RXRG: variants seen among roughly 807,000 people sequenced by gnomAD.
RXRG encodes retinoic acid receptor RXR-gamma.
In RXRG, 19 loss-of-function variants were observed where a neutral mutation model predicts 49.2. That is an observed-to-expected ratio of 0.39 (90% CI 0.27 to 0.57). The LOEUF (loss-of-function observed/expected upper bound fraction) is 0.57. Ranked by LOEUF, RXRG falls within the 20% of genes least tolerant of loss-of-function variation. The probability of loss-of-function intolerance (pLI) is 0.64; values close to 1 mark genes in which losing one functional copy is unlikely to be tolerated. For synonymous variants in RXRG, 224 were observed against 216.6 expected, an observed-to-expected ratio of 1.03 and a Z score of -0.30; for missense variants, 452 against 592.5, an observed-to-expected ratio of 0.76 and a Z score of 2.46.
chr1:165,413,546 TC>T (rs1325584828), intron 4 of RXRG, among the ~76,000 whole-genome samples: 1 of 152,050 alleles, frequency 6.6e-6, no homozygotes, highest in African/African-American at 2.4e-5. Context: ...CTCTAACCTC[TC>T]AGTACTGCCT....
chr1:165,428,922 C>A lies in RXRG; in HGVS notation c.94G>T (p.Ala32Ser). 6.2e-7 allele frequency: 1 copy of A among 1,613,704 alleles called. No homozygotes were observed. The highest frequency in any genetic ancestry group is 8.5e-7 in the Non-Finnish European group (1 of 1,179,952). Reference sequence around the variant, plus strand: ...TCCATTGGCTTCCCTGTGGACAAGGCTGCTGATGGGCTCATGGATGTAGAG... The same window carrying A: ...TCCATTGGCTTCCCTGTGGACAAGGATGCTGATGGGCTCATGGATGTAGAG... ...TGSTSMSPSA[A>S]LSTGKPMDSH... Residue 32 changes from alanine (A) to serine (S), a missense_variant, in exon 2 of 10, where the codon GCC becomes TCC. Transcript: ENST00000359842.
intron 1 of RXRG, among the ~76,000 whole-genome samples, chr1:165,438,844 T>C (rs1276075372): frequency 6.6e-6 from 1 of 152,230 alleles, no homozygotes; most frequent in Non-Finnish European, 1.5e-5. Flanking sequence ...TATTTGTTCA[T>C]TCACAAAATA....
At chr1:165,426,952 A>G (rs1658505304) in intron 2 of RXRG, among the ~76,000 whole-genome samples, 1 of 152,164 alleles carries the variant, frequency 6.6e-6, no homozygotes, top group African/African-American at 2.4e-5. Context: ...TCACAGTTCA[A>G]AGGTCATCAG....
At chr1:165,408,353 CGTAA>C in intron 7 of RXRG, 35 bp from the exon 8 acceptor site, 2 of 1,476,422 alleles carry the variant, frequency 1.4e-6, no homozygotes, top group Non-Finnish European at 1.9e-6. Context: ...ATGAGAAAAC[CGTAA>C]GTAACAGGCC....
At chr1:165,428,328 AT>A (rs1658557855) in intron 2 of RXRG, among the ~76,000 whole-genome samples, 1 of 152,238 alleles carries the variant, frequency 6.6e-6, no homozygotes, top group African/African-American at 2.4e-5. Context: ...AGCAATGGCC[AT>A]TTCCTGATCA....
rs749951041 is a variant in RXRG, at chr1:165,419,970, G to A, written c.342C>T (p.Pro114=). Residue 114 remains proline (P), a synonymous_variant, in exon 3 of 10, where the codon CCC becomes CCT. Transcript: ENST00000359842. ...TTCCAATCCCGGGAAGCCCTGGTAA[G>A]GGCTTGATGTCCTCTGAACTGCTGA... ...NSVSSSEDIK[P]LPGLPGIGNM... is the part of the protein sequence containing the mutation. 16 of 1,613,242 alleles carry A rather than the reference G, an allele frequency of 9.9e-6. No homozygotes were observed. The South Asian group carries it at 1.7e-4, about 17-fold the overall frequency.
At position 165,428,759 on chromosome 1, in the gene RXRG, G is replaced by A. The variant is rs142730991; in HGVS notation, c.257C>T (p.Ala86Val). The A allele has an allele frequency of 2.1e-5, 33 of 1,605,690 alleles. No homozygotes were observed. The highest frequency in any genetic ancestry group is 1.7e-4 in the Middle Eastern group (1 of 6,046). ...GGCAACCAAGTTGATTCCTGGAGGC[G>A]CTGCAAGTGCTCCTGAGGGTGGGCC... Reference protein sequence around the residue: ...AMGPPSGALAAPPGINLVAPP... With the variant: ...AMGPPSGALAVPPGINLVAPP... Residue 86 changes from alanine (A) to valine (V), a missense_variant, in exon 2 of 10, where the codon GCG becomes GTG. By Grantham distance (64) the Ala-to-Val change is moderately conservative. Coordinates refer to ENST00000359842, the MANE Select transcript of RXRG (RefSeq NM_006917.5).
intron 1 of RXRG, among the ~76,000 whole-genome samples, chr1:165,436,337 G>A (rs1277347331): frequency 6.6e-6 from 1 of 152,122 alleles, no homozygotes; most frequent in East Asian, 1.9e-4. Flanking sequence ...CCCACCCTTT[G>A]GTAAAATAGC....
rs1336463676 is a variant in RXRG, at chr1:165,411,102, T to C, written c.630A>G (p.Gln210=). Residue 210 remains glutamine (Q), a synonymous_variant, in exon 5 of 10, where the codon CAA becomes CAG. Coordinates refer to ENST00000359842, the MANE Select transcript of RXRG (RefSeq NM_006917.5). ...LVMGMKREAV[Q]EERQRSRERA... ...GCTCTCGGCTCCTCTGTCTTTCTTC[T>C]TGCACAGCTGACATGCAGCAGGACA... The C allele has an allele frequency of 2.5e-6, 4 of 1,613,718 alleles. No homozygotes were observed. The Admixed American group carries it at 6.7e-5, about 27-fold the overall frequency.
chr1:165,426,438 C>T (rs1658489038), intron 2 of RXRG, among the ~76,000 whole-genome samples: 1 of 152,190 alleles, frequency 6.6e-6, no homozygotes, highest in Admixed American at 6.5e-5. Flanking sequence ...GGGCCCAGCT[C>T]CTGGAATCCC....
chr1:165,412,288 C>A (rs1365792166), intron 4 of RXRG, among the ~76,000 whole-genome samples: 1 of 152,046 alleles, frequency 6.6e-6, no homozygotes, highest in African/African-American at 2.4e-5. Context: ...CGCCAAAAAG[C>A]TTCAAGACAA....
At chr1:165,411,718 T>C (rs1212263681) in intron 4 of RXRG, among the ~76,000 whole-genome samples, 1 of 152,070 alleles carries the variant, frequency 6.6e-6, no homozygotes, top group East Asian at 1.9e-4. Context: ...ATTTTGGAGG[T>C]TGGGGAGGGT....
chr1:165,407,860 A>T (rs894212085), intron 8 of RXRG, among the ~76,000 whole-genome samples: 3 of 152,172 alleles, frequency 2.0e-5, no homozygotes, highest in African/African-American at 4.8e-5. Context: ...ACTTAAAAAA[A>T]AAAAAACCCA....
At chr1:165,403,447 CTT>C (rs940142110) in intron 9 of RXRG, among the ~76,000 whole-genome samples, 9 of 152,150 alleles carry the variant, frequency 5.9e-5, no homozygotes, top group Non-Finnish European at 1.0e-4. Context: ...TATTTCTACA[CTT>C]ATGCCATAAG....
intron 2 of RXRG, among the ~76,000 whole-genome samples, chr1:165,426,995 GC>G (rs1012593002): frequency 7.9e-5 from 12 of 152,298 alleles, no homozygotes; most frequent in African/African-American, 2.9e-4. Flanking sequence ...AGGAGGGTGA[GC>G]TTTTTTGTTC....
intron 2 of RXRG, among the ~76,000 whole-genome samples, chr1:165,426,193 TGA>T (rs1237100584): frequency 6.6e-6 from 1 of 152,190 alleles, no homozygotes. Flanking sequence ...AAATATGGGA[TGA>T]GAGAGAAATG....
chr1:165,417,295 G>A, intron 3 of RXRG, 75 bp from the exon 4 acceptor site: 1 of 1,390,746 alleles, frequency 7.2e-7, no homozygotes, highest in South Asian at 1.4e-5. Flanking sequence ...GAACCTCTTG[G>A]CTCTTCCCCC....
intron 1 of RXRG, among the ~76,000 whole-genome samples, chr1:165,438,376 A>G (rs1658880195): frequency 1.3e-5 from 2 of 152,172 alleles, no homozygotes; most frequent in African/African-American, 4.8e-5. Flanking sequence ...TCCCAAATCC[A>G]AAACACTTCT....
intron 2 of RXRG, 44 bp from the exon 3 acceptor site, chr1:165,420,058 T>C (rs749899697): frequency 6.8e-7 from 1 of 1,476,514 alleles, no homozygotes; most frequent in East Asian, 2.5e-5. Flanking sequence ...CCAGAGTAAA[T>C]TCAATCCCCA....
Sources: allele counts gnomAD v4.1 joint callset (sites outside exome capture counted in the v4.1 genomes callset), GRCh38; gene constraint gnomAD v4.1.1; transcripts MANE v1.5; gene names NCBI Gene and HGNC (gene_info 2026-07-23, HGNC 2026-07-21).